HAUS2: variants seen among roughly 807,000 people sequenced by gnomAD.
HAUS2 encodes the protein HAUS augmin like complex subunit 2.
HAUS2 carries 20 observed loss-of-function variants against 21.6 expected under a neutral mutation model. The observed-to-expected ratio is 0.93, with a 90% CI of 0.65 to 1.35. The LOEUF is 1.35. HAUS2 is among the 40% of genes most tolerant of loss of function. The pLI is 0.00. For missense variants in HAUS2, 297 were observed against 280.7 expected (o/e 1.06, Z -0.42); for synonymous variants, 113 against 95.6 (o/e 1.18, Z -1.06).
In HAUS2 at chr15:42,569,584, G is replaced by C. The variant is rs959971444; in HGVS notation, c.*2768G>C. The C allele has an allele frequency of 2.0e-5, 3 of 152,174 alleles. No individual in the cohort carries two copies. Among genetic ancestry groups the C allele is most frequent in the African/African-American group, 7.2e-5 (3 of 41,448 alleles). The allele number at this position is 152,174 out of a possible 1,614,324, so 9.4% of individuals were successfully genotyped here. On this transcript the variant is annotated 3_prime_UTR_variant, in exon 6 of 6. Transcript: ENST00000260372. ...AGCCTCCGAAAGTGCTGGGAGTACA[G>C]GTGTTAGCCACTGCGCCTGGCCTCA...
intron 1 of HAUS2, 123 bp downstream of exon 1, chr15:42,549,088 T>C: frequency 1.6e-6 from 1 of 613,958 alleles, no homozygotes; most frequent in Non-Finnish European, 2.9e-6. Flanking sequence ...ACTAGAGTAA[T>C]AAGAGCCCCT....
rs750352573 is a variant in HAUS2 at position 42,568,637 on chromosome 15, T to A, written c.*1821T>A. 1 of 152,210 alleles carries A rather than the reference T, an allele frequency of 6.6e-6. No homozygotes were observed. The highest frequency in any genetic ancestry group is 1.5e-5 in the Non-Finnish European group (1 of 68,038). 9.4% of individuals were successfully genotyped at this position (152,210 alleles called of 1,614,324 possible). A position where few individuals can be genotyped will look rare whatever the true frequency, so the allele number is the denominator to read the frequency against. On this transcript the variant is annotated 3_prime_UTR_variant, in exon 6 of 6. Transcript: ENST00000260372. Reference sequence around the variant, plus strand: ...TGGTTTGTGCTGAAAACCTGCTTTCTTCCTGGGAGTCTAGAATTTTGGTAC... The same window carrying A: ...TGGTTTGTGCTGAAAACCTGCTTTCATCCTGGGAGTCTAGAATTTTGGTAC...
At chr15:42,558,344 G>A (rs532362900) in intron 2 of HAUS2, 54 bp downstream of exon 2, 19 of 657,180 alleles carry the variant, frequency 2.9e-5, no homozygotes, top group African/African-American at 2.5e-4. Flanking sequence ...TTTTTGAGAC[G>A]GAGTCTTGCT....
intron 1 of HAUS2, among the ~76,000 whole-genome samples, chr15:42,553,334 A>G (rs1434740773): frequency 1.3e-5 from 2 of 152,158 alleles, no homozygotes; most frequent in Non-Finnish European, 2.9e-5. Flanking sequence ...CGGAATAAAC[A>G]GAAATACCCT....
At position 42,569,267 on chromosome 15, in the gene HAUS2, G is replaced by A. The variant is rs1203958504; in HGVS notation, c.*2451G>A. The A allele has an allele frequency of 7.0e-6, 1 of 142,330 alleles. No homozygotes were observed. Among genetic ancestry groups the A allele is most frequent in the Non-Finnish European group, 1.6e-5 (1 of 64,136 alleles). 8.8% of individuals were successfully genotyped at this position (142,330 alleles called of 1,614,324 possible). A position where few individuals can be genotyped will look rare whatever the true frequency, so the allele number is the denominator to read the frequency against. On this transcript the variant is annotated 3_prime_UTR_variant, in exon 6 of 6. Transcript: ENST00000260372. The stretch of plus-strand genomic sequence containing the variant: ...ATTTTGCTTTAAAACATGTACATCA[G>A]TTTTGTTTTTTGTTTTGTTCTTTTC...
chr15:42,559,875 G>A (rs1011652546), intron 3 of HAUS2, among the ~76,000 whole-genome samples: 1 of 152,118 alleles, frequency 6.6e-6, no homozygotes, highest in Admixed American at 6.6e-5. Flanking sequence ...AAATGTTCTT[G>A]TGGCCAGGCG....
At position 42,569,951 on chromosome 15, in the gene HAUS2, C is replaced by T. The variant is rs887991826; in HGVS notation, c.*3135C>T. The T allele has an allele frequency of 1.3e-5, 2 of 152,016 alleles. No homozygotes were observed. The highest frequency in any genetic ancestry group is 4.8e-5 in the African/African-American group (2 of 41,376). The allele number at this position is 152,016 out of a possible 1,614,324, so 9.4% of individuals were successfully genotyped here. On this transcript the variant is annotated 3_prime_UTR_variant, in exon 6 of 6. Coordinates refer to ENST00000260372, the MANE Select transcript of HAUS2 (RefSeq NM_018097.3). ...TTGTTTATTTTTGTTTTCTATTATGCCTTTTTCAAAATATAAAAATAAACT... is the reference window on the plus strand; with the variant it reads ...TTGTTTATTTTTGTTTTCTATTATGTCTTTTTCAAAATATAAAAATAAACT...
At chr15:42,550,284 G>GAAAAAAAA (rs61442261) in intron 1 of HAUS2, among the ~76,000 whole-genome samples, 43 of 98,286 alleles carry the variant, frequency 4.4e-4, no homozygotes, top group Non-Finnish European at 7.0e-4. Flanking sequence ...CTGTCTCAGG[G>GAAAAAAAA]AAAAAAAAAA....
Position 42,553,290 on chromosome 15 carries a change from G to T in HAUS2, c.93+4325G>T, listed in dbSNP as rs1595546424. On this transcript the variant is annotated intron_variant, in intron 1 of 5. Transcript: ENST00000260372. ...CAGGATTTTTATATTAAGTATAAAG[G>T]TTCTGGATTTGAGCTTCTTCTTGTG... Among the ~76,000 whole-genome samples, 5 of 152,174 alleles carry T rather than the reference G, an allele frequency of 3.3e-5. No homozygotes were observed. The South Asian group carries it at 8.3e-4, about 25-fold the overall frequency.
chr15:42,560,682 A>G (rs1237459749), intron 3 of HAUS2: 5 of 632,078 alleles, frequency 7.9e-6, no homozygotes, highest in Non-Finnish European at 1.4e-5. Flanking sequence ...AGGTCGCTGT[A>G]ACTTCAACAC....
rs182899425 is a variant in HAUS2 at position 42,554,454 on chromosome 15, C to T, written c.94-3744C>T. On this transcript the variant is annotated intron_variant, in intron 1 of 5. Transcript: ENST00000260372. ...CTGTACTATTCCCTATTCCCTCCTC[C>T]CTCTTCATTAGTGTTTTTATTTTGT... 2.4e-4 allele frequency among the ~76,000 whole-genome samples: 36 copies of T among 151,754 alleles called. No individual in the cohort carries two copies. In the East Asian group the frequency reaches 7.0e-3, roughly 29 times the overall value.
rs2057931032 is a variant in HAUS2, at chr15:42,568,727, C to T, written c.*1911C>T. On this transcript the variant is annotated 3_prime_UTR_variant, in exon 6 of 6. Transcript: ENST00000260372. ...AAAACCCTGGGCACTGTATCTCTAA[C>T]AAGTTTCCCTGGTAAACAACATTTC... The T allele has an allele frequency of 6.6e-6, 1 of 152,222 alleles. No homozygotes were observed. The highest frequency in any genetic ancestry group is 1.5e-5 in the Non-Finnish European group (1 of 68,046). The allele number at this position is 152,222 out of a possible 1,614,324, so 9.4% of individuals were successfully genotyped here.
chr15:42,555,912 C>A (rs1595548463), intron 1 of HAUS2, among the ~76,000 whole-genome samples: 2 of 152,122 alleles, frequency 1.3e-5, no homozygotes, highest in East Asian at 3.9e-4. Context: ...TCCAATAAAA[C>A]TTTATTTCTG....
At chr15:42,565,424 T>TGTGG in intron 5 of HAUS2, among the ~76,000 whole-genome samples, 1 of 147,520 alleles carries the variant, frequency 6.8e-6, no homozygotes, top group South Asian at 2.1e-4. Context: ...TGTGTGTGTG[T>TGTGG]GTGTGTGTTT....
In HAUS2 at chr15:42,561,359, C is replaced by T; in HGVS notation, c.346C>T (p.Pro116Ser). The T allele has an allele frequency of 6.3e-7, 1 of 1,599,664 alleles. No homozygotes were observed. The highest frequency in any genetic ancestry group is 8.6e-7 in the Non-Finnish European group (1 of 1,166,968). The change falls in exon 4 of 6, where the codon CCC becomes TCC. Residue 116 changes from proline to serine, a missense_variant. Transcript: ENST00000260372. ...KRSLRQRLLKPMCQENLPIEA... is the reference protein window; with the variant it reads ...KRSLRQRLLKSMCQENLPIEA... ...ATCCCTTAGGCAAAGACTGTTGAAA[C>T]CCATGTGCCAGGAAAACTTACCTAT...
chr15:42,563,527 G>T (rs1172010381), intron 4 of HAUS2, among the ~76,000 whole-genome samples: 3 of 151,644 alleles, frequency 2.0e-5, no homozygotes, highest in South Asian at 2.1e-4. Context: ...GATTACTGTT[G>T]TCTCTTTCCA....
chr15:42,565,335 A>G (rs1030556515), intron 5 of HAUS2, among the ~76,000 whole-genome samples: 1 of 151,974 alleles, frequency 6.6e-6, no homozygotes, highest in African/African-American at 2.4e-5. Flanking sequence ...GTGCCTTAAA[A>G]ACCAGACTAA....
At chr15:42,553,678 C>G (rs375126895) in intron 1 of HAUS2, among the ~76,000 whole-genome samples, 1 of 152,092 alleles carries the variant, frequency 6.6e-6, no homozygotes, top group Non-Finnish European at 1.5e-5. Context: ...GTTTCTCTTG[C>G]ATGTTCTTAG....
Position 42,548,977 on chromosome 15 carries a change from T to A in HAUS2, c.93+12T>A, listed in dbSNP as rs1243189850. The A allele has an allele frequency of 6.7e-7, 1 of 1,502,912 alleles. No individual in the cohort carries two copies. The highest frequency in any genetic ancestry group is 9.0e-7 in the Non-Finnish European group (1 of 1,105,536). 93.1% of individuals were successfully genotyped at this position (1,502,912 alleles called of 1,614,324 possible). On this transcript the variant is annotated intron_variant, in intron 1 of 5. Coordinates refer to ENST00000260372, the MANE Select transcript of HAUS2 (RefSeq NM_018097.3). The stretch of plus-strand genomic sequence containing the variant: ...GGATGGTCAATCAGGTACGTGGGGG[T>A]GGCGGTGGTGTCATCAAGGGGGTGC...
Sources: gnomAD v4.1 joint callset for allele counts (sites outside exome capture counted in the v4.1 genomes callset) on GRCh38, gnomAD v4.1.1 for gene constraint, MANE v1.5 for transcripts, NCBI Gene and HGNC (gene_info 2026-07-23, HGNC 2026-07-21) for gene names.